RAD51B: variants seen among roughly 807,000 people sequenced by gnomAD.
RAD51B encodes the protein DNA repair protein RAD51 homolog 2.
A neutral mutation model predicts 42.2 loss-of-function variants in RAD51B; 38 were observed. The observed-to-expected ratio is 0.90, with a 90% CI of 0.70 to 1.18. The LOEUF is 1.18. Ranked by LOEUF, RAD51B falls within the 50% of genes most tolerant of loss-of-function variation. The pLI, the probability that RAD51B is intolerant of heterozygous loss-of-function variation, is 0.00. For synonymous variants in RAD51B, 154 were observed against 145.2 expected, an observed-to-expected ratio of 1.06 and a Z score of -0.43; for missense variants, 373 against 400.7, an observed-to-expected ratio of 0.93 and a Z score of 0.59.
intron 7 of RAD51B, among the ~76,000 whole-genome samples, chr14:68,137,303 T>C (rs960894918): frequency 3.9e-5 from 6 of 152,172 alleles, no homozygotes; most frequent in African/African-American, 1.4e-4. Context: ...GTACAAGCTG[T>C]GTGTAACTTT....
chr14:68,460,283 C>A (rs551943513), intron 9 of RAD51B, among the ~76,000 whole-genome samples: 2 of 152,170 alleles, frequency 1.3e-5, no homozygotes, highest in East Asian at 3.9e-4. Flanking sequence ...GAAATCTGGT[C>A]TCTACTAAAA....
In RAD51B at chr14:67,921,622, C is replaced by T. The variant is rs181688304; in HGVS notation, c.756+34418C>T. Among the ~76,000 whole-genome samples the T allele has an allele frequency of 9.5e-3, 1,216 of 128,244 alleles. 16 individuals are homozygous for T. Among genetic ancestry groups the T allele is most frequent in the African/African-American group, 0.033 (1,139 of 34,926 alleles). 84.1% of individuals were successfully genotyped at this position (128,244 alleles called of 152,430 possible). A position where few individuals can be genotyped will look rare whatever the true frequency, so the allele number is the denominator to read the frequency against. ...ACACACACACACACACACACACACA[C>T]ATTTTGTGGTTACTAAACAGTCTAG... On this transcript the variant is annotated intron_variant, in intron 7 of 10. Coordinates refer to ENST00000471583, the MANE Select transcript of RAD51B (RefSeq NM_133510.4).
At chr14:68,518,634 G>A (rs1886347512) in intron 10 of RAD51B, among the ~76,000 whole-genome samples, 1 of 144,246 alleles carries the variant, frequency 6.9e-6, no homozygotes, top group Admixed American at 7.6e-5. Flanking sequence ...CTCCAGGTCA[G>A]CAGGATCAGG....
intron 7 of RAD51B, among the ~76,000 whole-genome samples, chr14:68,178,020 G>A (rs952662411): frequency 2.6e-5 from 4 of 152,020 alleles, no homozygotes; most frequent in Admixed American, 1.3e-4. Flanking sequence ...TTTTTCTAAC[G>A]TTGAGCTGGT....
At chr14:67,972,073 T>C (rs1395297618) in intron 7 of RAD51B, among the ~76,000 whole-genome samples, 2 of 150,974 alleles carry the variant, frequency 1.3e-5, no homozygotes, top group African/African-American at 4.9e-5. Flanking sequence ...TAGCTGGCAA[T>C]AATCCTAACC....
intron 8 of RAD51B, among the ~76,000 whole-genome samples, chr14:68,394,678 G>T (rs1370829445): frequency 6.6e-6 from 1 of 152,182 alleles, no homozygotes; most frequent in African/African-American, 2.4e-5. Flanking sequence ...CTCTCCCAAG[G>T]TATCTACTTT....
chr14:68,089,391 C>T (rs1364642774), intron 7 of RAD51B, among the ~76,000 whole-genome samples: 1 of 152,138 alleles, frequency 6.6e-6, no homozygotes, highest in Non-Finnish European at 1.5e-5. Flanking sequence ...GGACCCAGCT[C>T]GGAGTCCTTT....
chr14:68,466,272 A>G (rs1238323777), intron 9 of RAD51B, among the ~76,000 whole-genome samples: 1 of 152,206 alleles, frequency 6.6e-6, no homozygotes, highest in Non-Finnish European at 1.5e-5. Flanking sequence ...AAATGTTCCT[A>G]TTATTTATTG....
chr14:68,646,259 C>G (rs944324100), intron 10 of RAD51B, among the ~76,000 whole-genome samples: 1 of 152,146 alleles, frequency 6.6e-6, no homozygotes, highest in African/African-American at 2.4e-5. Flanking sequence ...AAAGTGGCTG[C>G]TTTGAGTTAT....
Position 67,835,095 on chromosome 14 carries a change from G to A in RAD51B, c.214G>A (p.Ala72Thr), listed in dbSNP as rs2140297804. The A allele has an allele frequency of 6.8e-6, 11 of 1,612,446 alleles. No individual in the cohort carries two copies. Among genetic ancestry groups the A allele is most frequent in the Admixed American group, 1.7e-5 (1 of 59,956 alleles). Residue 72 changes from alanine (A) to threonine (T), a missense_variant, in exon 4 of 11, where the codon GCA (alanine) becomes ACA (threonine). By Grantham distance (58) the Ala-to-Thr change is moderately conservative (BLOSUM62 0). Transcript: ENST00000471583. Reference protein sequence around the residue: ...PKMQTAYGIKAQRSADFSPAF... With the variant: ...PKMQTAYGIKTQRSADFSPAF... ...TCTTGTTTAGGCTTATGGGATAAAA[G>A]CACAAAGGTCTGCTGATTTCTCACC...
chr14:68,313,289 T>C (rs932367235), intron 8 of RAD51B, among the ~76,000 whole-genome samples: 1 of 152,204 alleles, frequency 6.6e-6, no homozygotes, highest in African/African-American at 2.4e-5. Flanking sequence ...AGCAGCTGAA[T>C]GTCATTCTCT....
At chr14:68,104,412 T>A (rs2077342439) in intron 7 of RAD51B, among the ~76,000 whole-genome samples, 1 of 152,116 alleles carries the variant, frequency 6.6e-6, no homozygotes, top group Non-Finnish European at 1.5e-5. Flanking sequence ...TGTCAAAAGT[T>A]TCTGAAGCCC....
At chr14:68,589,789 C>T (rs1362035816) in intron 10 of RAD51B, among the ~76,000 whole-genome samples, 1 of 152,164 alleles carries the variant, frequency 6.6e-6, no homozygotes, top group Non-Finnish European at 1.5e-5. Flanking sequence ...TCCCAGCAGC[C>T]CTGAATGCAA....
chr14:68,099,466 C>A (rs1279023314), intron 7 of RAD51B, among the ~76,000 whole-genome samples: 1 of 152,166 alleles, frequency 6.6e-6, no homozygotes, highest in Non-Finnish European at 1.5e-5. Context: ...CACAAAAAAT[C>A]ATAATTTTGG....
intron 8 of RAD51B, among the ~76,000 whole-genome samples, chr14:68,312,068 G>T (rs1037412012): frequency 6.6e-5 from 10 of 151,982 alleles, no homozygotes; most frequent in Non-Finnish European, 1.2e-4. Flanking sequence ...ATCCACAAAG[G>T]CCCAAGTCCG....
intron 7 of RAD51B, among the ~76,000 whole-genome samples, chr14:68,082,592 T>C (rs1389777278): frequency 6.6e-6 from 1 of 152,182 alleles, no homozygotes; most frequent in African/African-American, 2.4e-5. Flanking sequence ...TGCTGTTCTA[T>C]ACCTTGCTTA....
chr14:68,086,513 G>A (rs1006145410), intron 7 of RAD51B, among the ~76,000 whole-genome samples: 1 of 152,124 alleles, frequency 6.6e-6, no homozygotes, highest in Non-Finnish European at 1.5e-5. Flanking sequence ...TAGAGCCCTC[G>A]CCAGGGACCA....
chr14:68,624,996 G>A (rs1022752576), intron 10 of RAD51B, among the ~76,000 whole-genome samples: 1 of 152,124 alleles, frequency 6.6e-6, no homozygotes, highest in Non-Finnish European at 1.5e-5. Context: ...CTGAGATGAA[G>A]AACTGTTACT....
intron 8 of RAD51B, among the ~76,000 whole-genome samples, chr14:68,399,451 G>A (rs1274967519): frequency 6.6e-6 from 1 of 152,012 alleles, no homozygotes; most frequent in Non-Finnish European, 1.5e-5. Flanking sequence ...TAGAGATGGG[G>A]TTTCACCGTG....
Sources: allele counts gnomAD v4.1 joint callset (sites outside exome capture counted in the v4.1 genomes callset), GRCh38; gene constraint gnomAD v4.1.1; transcripts MANE v1.5; gene names NCBI Gene and HGNC (gene_info 2026-07-23, HGNC 2026-07-21).